Variants in PTPRZ1 observed in about 807,000 individuals in gnomAD.
PTPRZ1 encodes receptor-type tyrosine-protein phosphatase zeta.
In PTPRZ1, 82 loss-of-function variants were observed where a neutral mutation model predicts 214.1. The ratio of observed to expected loss-of-function variants is 0.38; its 90% confidence interval spans 0.32 to 0.46. PTPRZ1 has a LOEUF of 0.46. Ranked by LOEUF, PTPRZ1 falls within the 20% of genes least tolerant of loss-of-function variation. PTPRZ1 has a pLI of 1.00. For missense variants in PTPRZ1, 2,603 were observed against 2,748.7 expected (o/e 0.95, Z 1.19); for synonymous variants, 945 against 987.9 (o/e 0.96, Z 0.81).
chr7:122,017,578 T>TA (rs1562865238), intron 12 of PTPRZ1, among the ~76,000 whole-genome samples: 6 of 151,464 alleles, frequency 4.0e-5, no homozygotes, highest in South Asian at 2.1e-4. Context: ...TTTATTTATT[T>TA]TGAGATAGAG....
intron 1 of PTPRZ1, among the ~76,000 whole-genome samples, chr7:121,895,352 T>C (rs1385462075): frequency 6.6e-6 from 1 of 152,170 alleles, no homozygotes; most frequent in East Asian, 1.9e-4. Flanking sequence ...ATTATTGAAT[T>C]GTAGGCTTTT....
At chr7:121,985,699 C>G (rs1797745765) in intron 8 of PTPRZ1, among the ~76,000 whole-genome samples, 1 of 152,158 alleles carries the variant, frequency 6.6e-6, no homozygotes, top group Non-Finnish European at 1.5e-5. Context: ...GCTTCTGTCC[C>G]CCTAAGTCTG....
intron 1 of PTPRZ1, among the ~76,000 whole-genome samples, chr7:121,877,230 C>T (rs1452464931): frequency 6.6e-6 from 1 of 152,162 alleles, no homozygotes; most frequent in Non-Finnish European, 1.5e-5. Context: ...GCACAGAGAA[C>T]TCAGATAAGT....
At chr7:121,927,878 C>T (rs1055505601) in intron 1 of PTPRZ1, among the ~76,000 whole-genome samples, 1 of 152,120 alleles carries the variant, frequency 6.6e-6, no homozygotes, top group Non-Finnish European at 1.5e-5. Flanking sequence ...GGGGCTGAAC[C>T]CCTCTAAGCT....
chr7:122,005,095 A>G (rs1798445290), intron 11 of PTPRZ1, among the ~76,000 whole-genome samples: 2 of 151,968 alleles, frequency 1.3e-5, no homozygotes, highest in South Asian at 4.1e-4. Flanking sequence ...TATAAATTGT[A>G]TATATATTTT....
chr7:121,876,435 T>A (rs777920188), intron 1 of PTPRZ1, among the ~76,000 whole-genome samples: 6 of 152,206 alleles, frequency 3.9e-5, no homozygotes, highest in Non-Finnish European at 8.8e-5. Context: ...AAATATGTAA[T>A]GAATCAGATT....
Position 122,013,978 on chromosome 7 carries a change from G to T in PTPRZ1, c.4843+89G>T. Reference sequence around the variant, plus strand: ...AAAATTATAGAAAGATAGAAATTTGGTAAAATGGTACATCATCATTTTTAA... The same window carrying T: ...AAAATTATAGAAAGATAGAAATTTGTTAAAATGGTACATCATCATTTTTAA... On this transcript the variant is annotated intron_variant, in intron 12 of 29. Transcript: ENST00000393386. 3 of 1,146,630 alleles carry T rather than the reference G, an allele frequency of 2.6e-6. No individual in the cohort carries two copies. In the Admixed American group the frequency reaches 8.1e-5, roughly 31 times the overall value. The allele number at this position is 1,146,630 out of a possible 1,614,324, so 71.0% of individuals were successfully genotyped here. A position where few individuals can be genotyped will look rare whatever the true frequency, so the allele number is the denominator to read the frequency against.
rs200249121 is a variant in PTPRZ1, at chr7:122,013,757, G to T, written c.4711G>T (p.Ala1571Ser). 1 of 1,614,154 alleles carries T rather than the reference G, an allele frequency of 6.2e-7. No homozygotes were observed. The highest frequency in any genetic ancestry group is 1.3e-5 in the African/African-American group (1 of 75,032). The change falls in exon 12 of 30, where the codon GCA becomes TCA. Residue 1571 changes from alanine (A) to serine (S), a missense_variant. By Grantham distance (99) the Ala-to-Ser change is moderately conservative. Coordinates refer to ENST00000393386, the MANE Select transcript of PTPRZ1 (RefSeq NM_002851.3). ...TGAGACTTCCACAGATTTCAGTTTT[G>T]CAGACACTAATGAAAAAGATGCTGA... Reference protein sequence around the residue: ...ENETSTDFSFADTNEKDADGI... With the variant: ...ENETSTDFSFSDTNEKDADGI...
chr7:122,042,654 T>C lies in PTPRZ1; in HGVS notation c.5848T>C (p.Leu1950=), dbSNP rs1466418135. ...TGTYIVLDSM[L]QQIQHEGTVN... is the part of the protein sequence containing the mutation. ...CACATATATTGTGCTAGACAGTATG[T>C]TGCAGCAGATTCAACACGAAGGAAC... The change falls in exon 22 of 30, where the codon TTG becomes CTG. Residue 1950 remains leucine (L), a synonymous_variant. Coordinates refer to ENST00000393386, the MANE Select transcript of PTPRZ1 (RefSeq NM_002851.3). The C allele has an allele frequency of 6.2e-7, 1 of 1,613,958 alleles. No homozygotes were observed. The highest frequency in any genetic ancestry group is 8.5e-7 in the Non-Finnish European group (1 of 1,179,842).
Position 122,059,620 on chromosome 7 carries a change from G to A in PTPRZ1, c.6672-133G>A, listed in dbSNP as rs1036082389. 71 of 995,696 alleles carry A rather than the reference G, an allele frequency of 7.1e-5. No individual in the cohort carries two copies. In the Admixed American group the frequency reaches 1.6e-3, roughly 22 times the overall value. The allele number at this position is 995,696 out of a possible 1,614,324, so 61.7% of individuals were successfully genotyped here. A position where few individuals can be genotyped will look rare whatever the true frequency, so the allele number is the denominator to read the frequency against. ...AATCATAGTTCTTTGTGCAAAAAGC[G>A]AAGAGAGACAATTCATTAAAAGTTT... On this transcript the variant is annotated intron_variant, in intron 28 of 29. Coordinates refer to ENST00000393386, the MANE Select transcript of PTPRZ1 (RefSeq NM_002851.3).
chr7:121,928,698 G>A (rs1299016270), intron 2 of PTPRZ1, among the ~76,000 whole-genome samples: 1 of 152,092 alleles, frequency 6.6e-6, no homozygotes, highest in Admixed American at 6.5e-5. Flanking sequence ...TCTCAGAAGG[G>A]GCATTCTTCT....
chr7:121,902,791 A>G (rs998655704), intron 1 of PTPRZ1, among the ~76,000 whole-genome samples: 1 of 152,254 alleles, frequency 6.6e-6, no homozygotes, highest in African/African-American at 2.4e-5. Flanking sequence ...TGTCAAGAAG[A>G]TAGTGTATTA....
At chr7:121,897,159 CTTG>C (rs1311332762) in intron 1 of PTPRZ1, among the ~76,000 whole-genome samples, 3 of 152,030 alleles carry the variant, frequency 2.0e-5, no homozygotes, top group East Asian at 1.9e-4. Context: ...TGTTGTTTTT[CTTG>C]TTATTATTGG....
rs1439692034 is a variant in PTPRZ1 at position 122,034,852 on chromosome 7, A to G, written c.5284+474A>G. Among the ~76,000 whole-genome samples, 3 of 151,006 alleles carry G rather than the reference A, an allele frequency of 2.0e-5. No homozygotes were observed. In the East Asian group the frequency reaches 5.8e-4, roughly 29 times the overall value. On this transcript the variant is annotated intron_variant, in intron 17 of 29. Coordinates refer to ENST00000393386, the MANE Select transcript of PTPRZ1 (RefSeq NM_002851.3). ...AGAATTAGTTGGATTCTTTCTTTTA[A>G]TTCTTTCTTTCTCTTTGTTTTCTTA...
At chr7:121,957,497 C>G (rs1356448347) in intron 2 of PTPRZ1, among the ~76,000 whole-genome samples, 1 of 152,156 alleles carries the variant, frequency 6.6e-6, no homozygotes, top group Non-Finnish European at 1.5e-5. Context: ...TCAGTGCTTT[C>G]CCTCAGCCTA....
intron 12 of PTPRZ1, 63 bp downstream of exon 12, chr7:122,013,952 G>A: frequency 7.5e-7 from 1 of 1,332,780 alleles, no homozygotes; most frequent in African/African-American, 1.5e-5. Flanking sequence ...AAAGTAAAAT[G>A]AAAATTATAG....
chr7:121,888,609 C>T (rs1295819764), intron 1 of PTPRZ1, among the ~76,000 whole-genome samples: 1 of 151,900 alleles, frequency 6.6e-6, no homozygotes, highest in Admixed American at 6.6e-5. Context: ...AAAGAATAGC[C>T]ATTATTTTTA....
chr7:121,997,470 A>G (rs986703396), intron 9 of PTPRZ1, among the ~76,000 whole-genome samples: 2 of 152,146 alleles, frequency 1.3e-5, no homozygotes, highest in Non-Finnish European at 2.9e-5. Context: ...AGATAATTCT[A>G]TTACTGTTCT....
intron 2 of PTPRZ1, among the ~76,000 whole-genome samples, chr7:121,950,397 G>A (rs1002370764): frequency 4.6e-5 from 7 of 152,120 alleles, no homozygotes; most frequent in Non-Finnish European, 8.8e-5. Flanking sequence ...TCAGAAGACA[G>A]GATAATCAGA....
Sources: allele counts gnomAD v4.1 joint callset (sites outside exome capture counted in the v4.1 genomes callset), GRCh38; gene constraint gnomAD v4.1.1; transcripts MANE v1.5; gene names NCBI Gene and HGNC (gene_info 2026-07-23, HGNC 2026-07-21).